The following SP140 variants were observed in gnomAD, a reference collection of about 807,000 sequenced individuals.
The protein encoded by SP140 is nuclear body protein SP140.
A neutral mutation model predicts 125.0 loss-of-function variants in SP140; 81 were observed. The ratio of observed to expected loss-of-function variants is 0.65; its 90% CI spans 0.54 to 0.78. SP140 has a LOEUF of 0.78. Among genes scored for constraint, SP140 ranks in the 30% least tolerant of loss-of-function variants. SP140 has a pLI of 0.00. For missense variants in SP140, 858 were observed against 1,037.0 expected (o/e 0.83, Z 2.37); for synonymous variants, 312 against 354.0 (o/e 0.88, Z 1.33).
chr2:230,193,018 T>G, the SP140 span, among the ~76,000 whole-genome samples: 1 of 152,218 alleles, frequency 6.6e-6, no homozygotes, highest in South Asian at 2.1e-4. Flanking sequence ...AAATGTCTTA[T>G]GAATCTGGGA....
chr2:230,217,029 T>A (rs1333309949), intron 3 of SP140: 1 of 897,210 alleles, frequency 1.1e-6, no homozygotes, highest in Non-Finnish European at 1.8e-6. Context: ...GTGGATCACC[T>A]GAGGTCAAGA....
chr2:230,301,680 C>A (rs1462872017), intron 22 of SP140, among the ~76,000 whole-genome samples: 1 of 152,024 alleles, frequency 6.6e-6, no homozygotes, highest in Non-Finnish European at 1.5e-5. Context: ...AAAATAGAAC[C>A]CCCTAAAGCA....
intron 23 of SP140, 152 bp from the exon 24 acceptor site, chr2:230,310,591 C>A: frequency 6.4e-7 from 1 of 1,553,550 alleles, no homozygotes; most frequent in East Asian, 2.3e-5. Context: ...GCTGGAGACC[C>A]CATGTGTGAA....
intron 9 of SP140, among the ~76,000 whole-genome samples, chr2:230,250,193 C>T (rs1463868211): frequency 6.6e-6 from 1 of 152,230 alleles, no homozygotes; most frequent in East Asian, 1.9e-4. Flanking sequence ...TCTGCTTTAG[C>T]ACAATTGTTC....
upstream of SP140, chr2:230,221,791 A>G: frequency 7.2e-7 from 1 of 1,398,176 alleles, no homozygotes. Context: ...AGATCTATTC[A>G]GAGATACACC....
the SP140 span, among the ~76,000 whole-genome samples, chr2:230,193,147 T>C: frequency 0.72 from 109,450 of 152,060 alleles, 40,021 homozygotes; most frequent in Admixed American, 0.81. Flanking sequence ...TTAAAGTCTG[T>C]TTTATCTGAT....
intron 23 of SP140, 173 bp downstream of exon 23, chr2:230,310,212 G>A (rs2059208917): frequency 1.6e-6 from 1 of 624,602 alleles, no homozygotes; most frequent in Non-Finnish European, 2.8e-6. Flanking sequence ...GCAGCAGGAG[G>A]TTAATGTCCT....
chr2:230,271,197 T>C (rs2053869218), intron 15 of SP140, among the ~76,000 whole-genome samples: 1 of 152,232 alleles, frequency 6.6e-6, no homozygotes, highest in African/African-American at 2.4e-5. Context: ...TAATTTGTTA[T>C]GGCAGCAATT....
At chr2:230,296,930 A>G (rs1415956920) in intron 21 of SP140, among the ~76,000 whole-genome samples, 1 of 152,230 alleles carries the variant, frequency 6.6e-6, no homozygotes, top group Admixed American at 6.5e-5. Flanking sequence ...TTCTTTCAGT[A>G]GATATATAGG....
chr2:230,286,163 C>T (rs1053336627), intron 17 of SP140, among the ~76,000 whole-genome samples: 2 of 152,302 alleles, frequency 1.3e-5, no homozygotes, highest in South Asian at 4.1e-4. Flanking sequence ...CTCTCACTGC[C>T]CTTTCAAGTC....
At chr2:230,200,901 T>C, upstream of SP140, 1 of 1,613,172 alleles carries the variant, frequency 6.2e-7, no homozygotes, top group Non-Finnish European at 8.5e-7. Flanking sequence ...TGACCCTTCG[T>C]GGTGTACTAG....
chr2:230,263,361 A>T (rs1224728575), intron 12 of SP140, among the ~76,000 whole-genome samples: 1 of 152,112 alleles, frequency 6.6e-6, no homozygotes. Context: ...CTTATGTGCT[A>T]GGTGAGTCTC....
At chr2:230,296,522 G>A (rs1254298568) in intron 21 of SP140, among the ~76,000 whole-genome samples, 1 of 152,218 alleles carries the variant, frequency 6.6e-6, no homozygotes, top group Non-Finnish European at 1.5e-5. Context: ...AGTCAACCTG[G>A]CATCTTCTTG....
chr2:230,194,911 G>A, the SP140 span, among the ~76,000 whole-genome samples: 4 of 152,182 alleles, frequency 2.6e-5, no homozygotes, highest in Admixed American at 6.5e-5. Flanking sequence ...TCTACTGATG[G>A]GGTGGCCTAG....
At chr2:230,246,142 C>A (rs991375561) in intron 7 of SP140, among the ~76,000 whole-genome samples, 4 of 152,112 alleles carry the variant, frequency 2.6e-5, no homozygotes, top group Non-Finnish European at 5.9e-5. Context: ...TCCATCAATC[C>A]ATGCATCCCT....
chr2:230,213,695 C>T (rs1427295), exon 2 of SP140: 35,877 of 152,420 alleles, frequency 0.24, 5,078 homozygotes, highest in East Asian at 0.56. Context: ...AGGAAAGTAA[C>T]TTCAAATTTT....
At chr2:230,246,496 A>G (rs763114793) in intron 7 of SP140, among the ~76,000 whole-genome samples, 13 of 152,238 alleles carry the variant, frequency 8.5e-5, no homozygotes, top group Non-Finnish European at 8.8e-5. Context: ...TGCCAACAGC[A>G]TGGATATAAT....
chr2:230,220,154 G>C (rs547788121), intron 3 of SP140: 1 of 869,408 alleles, frequency 1.2e-6, no homozygotes, highest in East Asian at 1.2e-4. Flanking sequence ...GTTTGGGGGA[G>C]GGCGTGTTGC....
At chr2:230,309,022 A>G (rs1559377006) in intron 22 of SP140, among the ~76,000 whole-genome samples, 1 of 152,210 alleles carries the variant, frequency 6.6e-6, no homozygotes, top group East Asian at 1.9e-4. Context: ...GTTTTTAATG[A>G]CCGGGATTTG....
Sources: allele counts gnomAD v4.1 joint callset (sites outside exome capture counted in the v4.1 genomes callset), GRCh38; gene constraint gnomAD v4.1.1; transcripts MANE v1.5; gene names NCBI Gene and HGNC (gene_info 2026-07-23, HGNC 2026-07-21).